Variants in AUH observed in about 807,000 individuals in gnomAD.
The protein encoded by AUH is AU RNA binding methylglutaconyl-CoA hydratase.
AUH carries 29 observed loss-of-function variants against 42.3 expected under a neutral mutation model. That is an observed-to-expected ratio of 0.69 (90% CI 0.51 to 0.93). The LOEUF (loss-of-function observed/expected upper bound fraction) is 0.93. AUH is among the 40% of genes least tolerant of loss of function. The probability of loss-of-function intolerance (pLI) is 0.00; values close to 1 mark genes in which losing one functional copy is unlikely to be tolerated. For synonymous variants in AUH, 174 were observed against 166.4 expected (o/e 1.05, Z -0.35); for missense variants, 452 against 438.1 (o/e 1.03, Z -0.28).
chr9:91,323,797 A>T (rs919382234), intron 4 of AUH, among the ~76,000 whole-genome samples: 3 of 152,242 alleles, frequency 2.0e-5, no homozygotes, highest in Admixed American at 1.3e-4. Context: ...GAAAGACATT[A>T]AAAAAATGAA....
chr9:91,230,713 G>A (rs1261861025), intron 6 of AUH, among the ~76,000 whole-genome samples: 1 of 152,092 alleles, frequency 6.6e-6, no homozygotes, highest in East Asian at 1.9e-4. Context: ...TGATGATGGT[G>A]ATGTACAGAT....
At chr9:91,251,076 G>C (rs1829100681) in intron 6 of AUH, among the ~76,000 whole-genome samples, 1 of 152,262 alleles carries the variant, frequency 6.6e-6, no homozygotes, top group Non-Finnish European at 1.5e-5. Context: ...CCAGACCAGG[G>C]GTTACCGACG....
intron 3 of AUH, among the ~76,000 whole-genome samples, chr9:91,340,790 A>C (rs1202402894): frequency 6.6e-6 from 1 of 152,214 alleles, no homozygotes; most frequent in Admixed American, 6.5e-5. Flanking sequence ...AGCTGGAACA[A>C]ACAGAGAAAA....
At chr9:91,215,991 G>T (rs1236528781) in intron 9 of AUH, 68 bp downstream of exon 9, 3 of 1,472,860 alleles carry the variant, frequency 2.0e-6, no homozygotes, top group Admixed American at 3.3e-5. Context: ...AAATTCATTT[G>T]AATTATACAG....
intron 4 of AUH, among the ~76,000 whole-genome samples, chr9:91,308,984 G>A (rs1028354458): frequency 5.9e-5 from 9 of 151,628 alleles, no homozygotes; most frequent in Non-Finnish European, 1.2e-4. Flanking sequence ...CAGCGATGGG[G>A]TTTCACCCTG....
At chr9:91,332,251 C>T (rs1248046987) in intron 3 of AUH, among the ~76,000 whole-genome samples, 1 of 152,240 alleles carries the variant, frequency 6.6e-6, no homozygotes, top group Non-Finnish European at 1.5e-5. Flanking sequence ...CCTGGAATCA[C>T]AGCACTGTAG....
intron 6 of AUH, among the ~76,000 whole-genome samples, chr9:91,278,037 T>C (rs1587750774): frequency 6.6e-6 from 1 of 152,092 alleles, no homozygotes; most frequent in African/African-American, 2.4e-5. Context: ...AGGCAGCAGG[T>C]GAGTTTTAAT....
intron 3 of AUH, among the ~76,000 whole-genome samples, chr9:91,341,380 G>C (rs1215457174): frequency 2.6e-5 from 4 of 152,208 alleles, no homozygotes; most frequent in East Asian, 1.9e-4. Flanking sequence ...AGGTGGGAGA[G>C]AGAACTTGAA....
In AUH at chr9:91,355,888, C is replaced by T. The variant is rs1417411959; in HGVS notation, c.413G>A (p.Cys138Tyr). Residue 138 changes from cysteine (C) to tyrosine (Y), a missense_variant, in exon 3 of 10, where the codon TGT becomes TAT. Cys to Tyr is a radical substitution (Grantham distance 194). Transcript: ENST00000375731. ...AATACAACATATTTACATACCAGCA[C>T]AGAATATCCCTGGGACTTCACTCCT... ...IIRSEVPGIF[C>Y]AGADLKERAK... The T allele has an allele frequency of 6.2e-7, 1 of 1,607,678 alleles. No homozygotes were observed. The highest frequency in any genetic ancestry group is 1.3e-5 in the African/African-American group (1 of 74,688).
chr9:91,275,253 G>A (rs948739439), intron 6 of AUH, among the ~76,000 whole-genome samples: 3 of 152,194 alleles, frequency 2.0e-5, no homozygotes, highest in Non-Finnish European at 2.9e-5. Context: ...TTCAGATCCA[G>A]GCAGCCCTGC....
At chr9:91,230,132 G>A (rs1313656058) in intron 6 of AUH, among the ~76,000 whole-genome samples, 1 of 151,402 alleles carries the variant, frequency 6.6e-6, no homozygotes, top group Non-Finnish European at 1.5e-5. Flanking sequence ...AATTCTCCTG[G>A]ATAATATCCT....
At chr9:91,240,701 G>A (rs1382352891) in intron 6 of AUH, among the ~76,000 whole-genome samples, 1 of 151,600 alleles carries the variant, frequency 6.6e-6, no homozygotes, top group African/African-American at 2.4e-5. Flanking sequence ...ATCATTGCAT[G>A]TGGTTAGTGG....
intron 6 of AUH, among the ~76,000 whole-genome samples, chr9:91,229,729 G>C (rs1186274115): frequency 6.6e-6 from 1 of 151,518 alleles, no homozygotes; most frequent in Non-Finnish European, 1.5e-5. Context: ...CTTCCTTCAG[G>C]AGCTCTTTTA....
intron 8 of AUH, 80 bp from the exon 9 acceptor site, chr9:91,216,186 A>T: frequency 7.4e-7 from 1 of 1,357,326 alleles, no homozygotes; most frequent in Non-Finnish European, 1.0e-6. Flanking sequence ...CAAATTGAAT[A>T]ACCTTATCCC....
rs1299690802 is a variant in AUH, at chr9:91,217,355, TC to T, written c.844-29del. On this transcript the variant is annotated intron_variant, in intron 7 of 9. Transcript: ENST00000375731. The stretch of plus-strand genomic sequence containing the variant: ...AAAATTCAAATTAAAGAAACAGACT[TC>T]AATTATTTTTTATGCAAATTATGTC... The T allele has an allele frequency of 1.9e-6, 3 of 1,601,928 alleles. No individual in the cohort carries two copies. In the South Asian group the frequency reaches 3.3e-5, roughly 18 times the overall value.
At chr9:91,330,344 T>C (rs75516958) in intron 3 of AUH, among the ~76,000 whole-genome samples, 6,468 of 152,314 alleles carry the variant, frequency 0.042, 204 homozygotes, top group Non-Finnish European at 0.058. Flanking sequence ...ATTACATTCA[T>C]GTGTTAGAAT....
chr9:91,289,007 T>C (rs1298420523), intron 6 of AUH, among the ~76,000 whole-genome samples: 1 of 152,220 alleles, frequency 6.6e-6, no homozygotes, highest in Non-Finnish European at 1.5e-5. Flanking sequence ...CACTATTTTT[T>C]GACAAATTGT....
At chr9:91,281,041 A>G (rs1405251129) in intron 6 of AUH, among the ~76,000 whole-genome samples, 1 of 152,010 alleles carries the variant, frequency 6.6e-6, no homozygotes, top group East Asian at 1.9e-4. Context: ...AGCTTCTTAA[A>G]TCCTTATATC....
intron 6 of AUH, among the ~76,000 whole-genome samples, chr9:91,237,687 C>A (rs1012588064): frequency 6.7e-6 from 1 of 150,248 alleles, no homozygotes; most frequent in Non-Finnish European, 1.5e-5. Flanking sequence ...CATCTTTGAC[C>A]AGTGAGGACT....
Sources: gnomAD v4.1 joint callset for allele counts (sites outside exome capture counted in the v4.1 genomes callset) on GRCh38, gnomAD v4.1.1 for gene constraint, MANE v1.5 for transcripts, NCBI Gene and HGNC (gene_info 2026-07-23, HGNC 2026-07-21) for gene names.